Variants in TEAD4 observed in about 807,000 individuals in gnomAD.
TEAD4 encodes the protein transcriptional enhancer factor TEF-3.
A neutral mutation model predicts 52.4 loss-of-function variants in TEAD4; 36 were observed. The observed-to-expected ratio is 0.69, with a 90% CI of 0.53 to 0.91. The LOEUF is 0.91. Ranked by LOEUF, TEAD4 falls within the 40% of genes least tolerant of loss-of-function variation. TEAD4 has a pLI of 0.00. For missense variants in TEAD4, 508 were observed against 583.9 expected, an observed-to-expected ratio of 0.87 and a Z score of 1.34; for synonymous variants, 220 against 231.0, an observed-to-expected ratio of 0.95 and a Z score of 0.43.
chr12:2,968,756 C>G (rs749210291), intron 2 of TEAD4, among the ~76,000 whole-genome samples: 7 of 152,086 alleles, frequency 4.6e-5, no homozygotes, highest in Non-Finnish European at 1.0e-4. Context: ...TCAGATGGTC[C>G]TCCTGCCTCA....
At chr12:2,992,001 G>T (rs551969266) in intron 2 of TEAD4, among the ~76,000 whole-genome samples, 32 of 147,978 alleles carry the variant, frequency 2.2e-4, no homozygotes, top group African/African-American at 7.8e-4. Flanking sequence ...TGGGGGTTGG[G>T]GGGGGCGGTT....
chr12:3,020,205 GC>G (rs2098267670), intron 8 of TEAD4, among the ~76,000 whole-genome samples: 1 of 152,214 alleles, frequency 6.6e-6, no homozygotes, highest in Non-Finnish European at 1.5e-5. Flanking sequence ...CACATGTGAT[GC>G]AAACAGGAAA....
intron 10 of TEAD4, among the ~76,000 whole-genome samples, chr12:3,028,259 GC>G (rs1420607299): frequency 6.6e-6 from 1 of 152,186 alleles, no homozygotes. Context: ...TAGGAGTAGT[GC>G]TACTGTGAAC....
intron 2 of TEAD4, among the ~76,000 whole-genome samples, chr12:2,964,117 A>C (rs2098218189): frequency 1.3e-5 from 2 of 152,094 alleles, no homozygotes; most frequent in African/African-American, 2.4e-5. Flanking sequence ...CCCTCCTCCA[A>C]AGGGGGCCGT....
intron 7 of TEAD4, 69 bp downstream of exon 7, chr12:3,018,657 CATTA>C: frequency 6.2e-7 from 1 of 1,602,630 alleles, no homozygotes; most frequent in Non-Finnish European, 8.5e-7. Context: ...AAACTCATGG[CATTA>C]AGCCTGGGCC....
chr12:2,973,354 G>T (rs1461059305), intron 2 of TEAD4, among the ~76,000 whole-genome samples: 4 of 152,220 alleles, frequency 2.6e-5, no homozygotes. Context: ...GTGCCACCAT[G>T]CCCAGCTGTT....
At position 3,028,351 on chromosome 12, in the gene TEAD4, C is replaced by G. The variant is rs1455031899; in HGVS notation, c.897+6334C>G. The stretch of plus-strand genomic sequence containing the variant: ...GGAATTACTGGGTCATATGGCAACT[C>G]TCTTTCACTTTCTGAGGCACTCCCA... On this transcript the variant is annotated intron_variant, in intron 10 of 12. Transcript: ENST00000359864. Among the ~76,000 whole-genome samples the G allele has an allele frequency of 3.3e-5, 5 of 152,206 alleles. No individual in the cohort carries two copies. In the South Asian group the frequency reaches 1.0e-3, roughly 32 times the overall value.
intron 10 of TEAD4, among the ~76,000 whole-genome samples, chr12:3,035,836 A>AG (rs1405325482): frequency 8.2e-5 from 12 of 146,144 alleles, no homozygotes; most frequent in African/African-American, 3.0e-4. Context: ...AAAAAAAAAA[A>AG]AAGAAGAAGA....
intron 10 of TEAD4, among the ~76,000 whole-genome samples, chr12:3,030,977 A>G (rs1218823357): frequency 6.6e-6 from 1 of 151,898 alleles, no homozygotes; most frequent in Non-Finnish European, 1.5e-5. Context: ...CAGGTGTGAG[A>G]CTCCTGCAGT....
At chr12:3,003,568 T>C (rs1302272779) in intron 3 of TEAD4, among the ~76,000 whole-genome samples, 3 of 152,154 alleles carry the variant, frequency 2.0e-5, no homozygotes, top group African/African-American at 7.2e-5. Context: ...TCCTCCTGGA[T>C]GCTGCATCAG....
At chr12:3,035,685 T>C (rs1350976312) in intron 10 of TEAD4, among the ~76,000 whole-genome samples, 2 of 152,020 alleles carry the variant, frequency 1.3e-5, no homozygotes, top group African/African-American at 2.4e-5. Context: ...CCAGGTGTGG[T>C]GGCACATGCC....
chr12:2,971,003 C>T lies in TEAD4; in HGVS notation c.-30+10963C>T, dbSNP rs139610828. ...CTGCCAGCCCAGCACAGCCAGCTCT[C>T]CTCTCTTGGCATCAGCTCCCTCCGA... On this transcript the variant is annotated intron_variant, in intron 2 of 12. Coordinates refer to ENST00000359864, the MANE Select transcript of TEAD4 (RefSeq NM_003213.4). Among the ~76,000 whole-genome samples the T allele has an allele frequency of 4.7e-3, 713 of 152,366 alleles. 5 individuals are homozygous for T. Among genetic ancestry groups the T allele is most frequent in the African/African-American group, 0.016 (675 of 41,580 alleles).
rs181359010 is a variant in TEAD4, at chr12:3,009,345, G to A, written c.227-1659G>A. ...CTTGGGAGGCTGAGGCAGGAGAATC[G>A]CTTGAACCCGGGAGGCGGAGGTTGC... is the stretch of plus-strand genomic sequence containing the variant. On this transcript the variant is annotated intron_variant, in intron 3 of 12. Transcript: ENST00000359864. Among the ~76,000 whole-genome samples the A allele has an allele frequency of 3.7e-3, 563 of 152,344 alleles. 2 individuals carry two copies. The highest frequency in any genetic ancestry group is 0.013 in the African/African-American group (551 of 41,576).
intron 9 of TEAD4, 70 bp from the exon 10 acceptor site, chr12:3,021,774 G>A (rs937756636): frequency 2.5e-5 from 38 of 1,544,162 alleles, no homozygotes; most frequent in Middle Eastern, 1.7e-4. Flanking sequence ...TGGTGGGCAC[G>A]CAGAGCCAGG....
intron 2 of TEAD4, among the ~76,000 whole-genome samples, chr12:2,974,672 C>G (rs1175430287): frequency 6.6e-6 from 1 of 152,152 alleles, no homozygotes; most frequent in Non-Finnish European, 1.5e-5. Flanking sequence ...GAAGGCATTC[C>G]CCGGTGTGGA....
At chr12:3,018,491 A>G in intron 6 of TEAD4, 54 bp from the exon 7 acceptor site, 2 of 1,611,442 alleles carry the variant, frequency 1.2e-6, no homozygotes, top group South Asian at 2.2e-5. Context: ...CCCACACCAC[A>G]GGGCCCCGGG....
intron 2 of TEAD4, among the ~76,000 whole-genome samples, chr12:2,968,630 C>T (rs1247516301): frequency 6.6e-6 from 1 of 151,404 alleles, no homozygotes; most frequent in African/African-American, 2.4e-5. Context: ...TGCTGTGTTT[C>T]CCAGGCTGGT....
intron 10 of TEAD4, among the ~76,000 whole-genome samples, chr12:3,036,384 C>G (rs565260360): frequency 3.9e-4 from 60 of 152,170 alleles, no homozygotes; most frequent in Non-Finnish European, 7.3e-4. Flanking sequence ...CACCGCCAGT[C>G]TAGAGAAAGG....
chr12:3,020,867 T>C (rs2098268227), intron 9 of TEAD4, 94 bp downstream of exon 9: 1 of 1,321,446 alleles, frequency 7.6e-7, no homozygotes, highest in Non-Finnish European at 1.0e-6. Flanking sequence ...TGCTGGGGCT[T>C]AATTCAAGTT....
Sources: allele counts gnomAD v4.1 joint callset (sites outside exome capture counted in the v4.1 genomes callset), GRCh38; gene constraint gnomAD v4.1.1; transcripts MANE v1.5; gene names NCBI Gene and HGNC (gene_info 2026-07-23, HGNC 2026-07-21).